The following ST7L variants were observed in gnomAD, a reference collection of about 807,000 sequenced individuals.
ST7L encodes suppression of tumorigenicity 7 like.
A neutral mutation model predicts 72.5 loss-of-function variants in ST7L; 57 were observed. That is an observed-to-expected ratio of 0.79 (90% CI 0.64 to 0.98). The LOEUF (loss-of-function observed/expected upper bound fraction) is 0.98, where lower values mean the gene tolerates loss of function less well. ST7L is among the 50% of genes least tolerant of loss of function. The pLI is 0.00. For synonymous variants in ST7L, 221 were observed against 240.9 expected (o/e 0.92, Z 0.77); for missense variants, 576 against 672.2 (o/e 0.86, Z 1.58).
At chr1:112,520,817 C>T (rs917803128), downstream of ST7L, 5 of 357,752 alleles carry the variant, frequency 1.4e-5, no homozygotes, top group South Asian at 6.4e-5. Context: ...GTTGAGGCTC[C>T]TTTTTTCTTT....
chr1:112,584,192 T>C, intron 6 of ST7L, 66 bp from the exon 7 acceptor site: 1 of 1,491,656 alleles, frequency 6.7e-7, no homozygotes, highest in South Asian at 1.3e-5. Flanking sequence ...CTTGGTTATG[T>C]CCCTTTGCTC....
At chr1:112,608,281 A>G (rs1668569595) in intron 3 of ST7L, among the ~76,000 whole-genome samples, 1 of 152,162 alleles carries the variant, frequency 6.6e-6, no homozygotes, top group Non-Finnish European at 1.5e-5. Context: ...AGCCTCCTAA[A>G]GCACTAGAAT....
downstream of ST7L, chr1:112,520,626 G>C (rs757265581): frequency 9.2e-7 from 1 of 1,084,994 alleles, no homozygotes; most frequent in African/African-American, 1.6e-5. Context: ...TTCTATTTAA[G>C]GATGTAGAGA....
intron 11 of ST7L, among the ~76,000 whole-genome samples, chr1:112,574,388 A>G (rs1215071664): frequency 3.3e-5 from 5 of 151,616 alleles, no homozygotes; most frequent in Non-Finnish European, 5.9e-5. Context: ...AGCCAGACGC[A>G]CTGGCTCACG....
upstream of ST7L, chr1:112,619,412 C>T: frequency 1.8e-6 from 1 of 543,574 alleles, no homozygotes; most frequent in Non-Finnish European, 3.2e-6. Context: ...ACACCGCCCC[C>T]CCCCCGGGGT....
intron 14 of ST7L, chr1:112,540,460 A>C: frequency 4.1e-6 from 4 of 985,414 alleles, no homozygotes; most frequent in Non-Finnish European, 4.8e-6. Context: ...TTCATTTTAC[A>C]CTGAAAAGAA....
intron 3 of ST7L, among the ~76,000 whole-genome samples, chr1:112,603,257 T>C (rs1667710031): frequency 6.6e-6 from 1 of 152,252 alleles, no homozygotes; most frequent in Non-Finnish European, 1.5e-5. Flanking sequence ...ATGGATATGA[T>C]ATGCATAATT....
chr1:112,610,527 A>G (rs113172707), intron 3 of ST7L: 3,375 of 270,676 alleles, frequency 0.012, 106 homozygotes, highest in African/African-American at 0.068. Flanking sequence ...GGTACCAACA[A>G]ATTTGGTGTC....
intron 3 of ST7L, among the ~76,000 whole-genome samples, chr1:112,602,083 C>CAAAAAAAAAAAAAAAAAAAAAAAAA (rs71584754): frequency 1.1e-5 from 1 of 89,058 alleles, no homozygotes; most frequent in Non-Finnish European, 2.3e-5. Context: ...AAACTCCATC[C>CAAAAAAAAAAAAAAAAAAAAAAAAA]AAAAAAAAAA....
intron 3 of ST7L, among the ~76,000 whole-genome samples, chr1:112,608,672 T>G (rs1027638275): frequency 2.0e-5 from 3 of 152,218 alleles, no homozygotes; most frequent in African/African-American, 4.8e-5. Flanking sequence ...AGGACAGATC[T>G]GTATCGTATT....
At chr1:112,596,310 A>C (rs1324146745) in intron 5 of ST7L, among the ~76,000 whole-genome samples, 4 of 152,218 alleles carry the variant, frequency 2.6e-5, no homozygotes, top group African/African-American at 9.7e-5. Context: ...TTAATGCAGG[A>C]AACTGGCTAT....
At chr1:112,542,831 G>A (rs1010159845) in intron 13 of ST7L, among the ~76,000 whole-genome samples, 22 of 151,600 alleles carry the variant, frequency 1.5e-4, no homozygotes, top group Non-Finnish European at 2.5e-4. Context: ...GAAGAGTCTC[G>A]CTCTGTTGCC....
chr1:112,543,634 C>T lies in ST7L; in HGVS notation c.1490-1544G>A, dbSNP rs545554115. Among the ~76,000 whole-genome samples, 10 of 151,958 alleles carry T rather than the reference C, an allele frequency of 6.6e-5. No homozygotes were observed. The East Asian group carries it at 1.9e-3, about 29-fold the overall frequency. ...CTGTAATCCCAGCACTTTGGGAGGC[C>T]GAGGCAGGTGAATCATTTGAGTTCA... On this transcript the variant is annotated intron_variant, in intron 13 of 14. Transcript: ENST00000358039.
intron 11 of ST7L, among the ~76,000 whole-genome samples, chr1:112,567,330 T>C: frequency 6.6e-6 from 1 of 152,298 alleles, no homozygotes; most frequent in African/African-American, 2.4e-5. Context: ...TTTTTTAATA[T>C]TGTGTTTTTT....
At chr1:112,618,080 C>G (rs1670212953) in intron 1 of ST7L, 1 of 1,303,758 alleles carries the variant, frequency 7.7e-7, no homozygotes, top group Non-Finnish European at 1.0e-6. Flanking sequence ...AACCACCATA[C>G]TGAATCATGT....
intron 13 of ST7L, among the ~76,000 whole-genome samples, chr1:112,548,599 G>A (rs750057186): frequency 3.9e-5 from 6 of 152,190 alleles, no homozygotes; most frequent in Non-Finnish European, 5.9e-5. Context: ...TTGTAAACCT[G>A]CAATTTTCCT....
intron 14 of ST7L, among the ~76,000 whole-genome samples, chr1:112,535,844 G>A (rs756680516): frequency 1.3e-5 from 2 of 152,044 alleles, no homozygotes; most frequent in African/African-American, 2.4e-5. Context: ...TCTTAGTTTG[G>A]TTCTTTTTGA....
In ST7L at chr1:112,525,786, G is replaced by A. The variant is rs984272982; in HGVS notation, c.*227C>T. ...GCCAAACAGAAAGGCTAAGCTGAAT[G>A]AAGAAAAAAGGAAGACAATTTCATC... On this transcript the variant is annotated 3_prime_UTR_variant, in exon 15 of 15. Transcript: ENST00000358039. 1.7e-5 allele frequency: 9 copies of A among 520,326 alleles called. No homozygotes were observed. Among genetic ancestry groups the A allele is most frequent in the Admixed American group, 1.4e-4 (4 of 29,130 alleles). The allele number at this position is 520,326 out of a possible 1,614,324, so 32.2% of individuals were successfully genotyped here. A position where few individuals can be genotyped will look rare whatever the true frequency, so the allele number is the denominator to read the frequency against.
At chr1:112,572,681 G>C (rs925980767) in intron 11 of ST7L, among the ~76,000 whole-genome samples, 3 of 151,974 alleles carry the variant, frequency 2.0e-5, no homozygotes, top group Non-Finnish European at 2.9e-5. Context: ...TTCAAGACCA[G>C]TCTGGGCAAC....
Sources: allele counts gnomAD v4.1 joint callset (sites outside exome capture counted in the v4.1 genomes callset), GRCh38; gene constraint gnomAD v4.1.1; transcripts MANE v1.5; gene names NCBI Gene and HGNC (gene_info 2026-07-23, HGNC 2026-07-21).